FGF12: variants seen among roughly 807,000 people sequenced by gnomAD.
FGF12 encodes the protein fibroblast growth factor 12.
A neutral mutation model predicts 23.6 loss-of-function variants in FGF12; 14 were observed. The observed-to-expected ratio is 0.59, with a 90% confidence interval of 0.39 to 0.93. FGF12 has a LOEUF of 0.93. Among genes scored for constraint, FGF12 ranks in the 40% least tolerant of loss-of-function variants. The pLI is 0.00. For missense variants in FGF12, 175 were observed against 217.8 expected, an observed-to-expected ratio of 0.80 and a Z score of 1.24; for synonymous variants, 62 against 77.3, an observed-to-expected ratio of 0.80 and a Z score of 1.04.
At chr3:192,467,032 C>A (rs1167583225) in intron 2 of FGF12, among the ~76,000 whole-genome samples, 1 of 152,048 alleles carries the variant, frequency 6.6e-6, no homozygotes, top group Non-Finnish European at 1.5e-5. Flanking sequence ...TAGATAATGG[C>A]TCTTCTTATT....
intron 4 of FGF12, among the ~76,000 whole-genome samples, chr3:192,182,927 A>G (rs779006083): frequency 4.6e-5 from 7 of 152,194 alleles, no homozygotes; most frequent in Non-Finnish European, 4.4e-5. Flanking sequence ...GCCTACGGCC[A>G]TGGGGAAGAA....
chr3:192,528,653 G>A (rs1030342538), intron 2 of FGF12, among the ~76,000 whole-genome samples: 13 of 152,166 alleles, frequency 8.5e-5, no homozygotes, highest in African/African-American at 2.4e-4. Context: ...TGAGAGCCCT[G>A]CCCCTGCAGC....
At chr3:192,278,423 A>C (rs1288233790) in intron 4 of FGF12, among the ~76,000 whole-genome samples, 1 of 152,194 alleles carries the variant, frequency 6.6e-6, no homozygotes, top group East Asian at 1.9e-4. Flanking sequence ...TTGTACTGAG[A>C]AGCACAGTAC....
intron 2 of FGF12, among the ~76,000 whole-genome samples, chr3:192,406,124 A>C (rs1465880023): frequency 6.6e-6 from 1 of 152,148 alleles, no homozygotes; most frequent in African/African-American, 2.4e-5. Flanking sequence ...AAACTGCCTC[A>C]AATCTCTGTT....
intron 2 of FGF12, among the ~76,000 whole-genome samples, chr3:192,687,586 C>A (rs944297375): frequency 6.6e-6 from 1 of 152,080 alleles, no homozygotes; most frequent in Non-Finnish European, 1.5e-5. Context: ...GGCCCAGGGG[C>A]CCAGCCATCA....
intron 4 of FGF12, among the ~76,000 whole-genome samples, chr3:192,172,471 T>A (rs1715623661): frequency 6.6e-6 from 1 of 150,454 alleles, no homozygotes; most frequent in Non-Finnish European, 1.5e-5. Context: ...TAAGATAATA[T>A]GAATAGCAAT....
chr3:192,170,322 C>T, intron 5 of FGF12, 136 bp downstream of exon 5: 1 of 641,068 alleles, frequency 1.6e-6, no homozygotes, highest in Non-Finnish European at 2.7e-6. Flanking sequence ...CTATTGTGTT[C>T]TCTGAATATT....
At position 192,268,364 on chromosome 3, in the gene FGF12, A is replaced by T. The variant is rs916750911; in HGVS notation, c.228+66997T>A. On this transcript the variant is annotated intron_variant, in intron 4 of 5. Coordinates refer to ENST00000445105, the MANE Select transcript of FGF12 (RefSeq NM_004113.6). Reference sequence around the variant, plus strand: ...CTCTAGATGTGGGTTTTCAAATGGAATAAGAGGTCATGTGGGATAGAGAGC... The same window carrying T: ...CTCTAGATGTGGGTTTTCAAATGGATTAAGAGGTCATGTGGGATAGAGAGC... Among the ~76,000 whole-genome samples, 31 of 152,210 alleles carry T rather than the reference A, an allele frequency of 2.0e-4. 1 individual carries two copies. Among genetic ancestry groups the T allele is most frequent in the African/African-American group, 7.0e-4 (29 of 41,460 alleles).
intron 2 of FGF12, among the ~76,000 whole-genome samples, chr3:192,437,129 G>A (rs1406325156): frequency 6.6e-6 from 1 of 152,120 alleles, no homozygotes; most frequent in Non-Finnish European, 1.5e-5. Context: ...AGTTAAGTAA[G>A]CACAGGGGAG....
At chr3:192,592,141 C>A (rs2366838) in intron 2 of FGF12, among the ~76,000 whole-genome samples, 39,652 of 151,576 alleles carry the variant, frequency 0.26, 5,980 homozygotes, top group East Asian at 0.52. Flanking sequence ...TAATTGCTCC[C>A]CATTCAACTC....
intron 3 of FGF12, among the ~76,000 whole-genome samples, chr3:192,359,830 C>CA (rs1336468403): frequency 1.3e-5 from 2 of 151,256 alleles, no homozygotes; most frequent in Non-Finnish European, 2.9e-5. Flanking sequence ...TCAGGTCTAT[C>CA]AGTCTTCATT....
At chr3:192,161,274 C>A (rs1714856674) in intron 5 of FGF12, among the ~76,000 whole-genome samples, 1 of 152,086 alleles carries the variant, frequency 6.6e-6, no homozygotes, top group Non-Finnish European at 1.5e-5. Context: ...TGGGGCCTAG[C>A]AATCTATGCT....
chr3:192,314,579 A>C (rs908097884), intron 4 of FGF12, among the ~76,000 whole-genome samples: 7 of 152,188 alleles, frequency 4.6e-5, no homozygotes, highest in African/African-American at 1.7e-4. Flanking sequence ...CGTTGAGTCA[A>C]TCAATGAACC....
At chr3:192,316,248 C>T (rs572735967) in intron 4 of FGF12, among the ~76,000 whole-genome samples, 5 of 152,198 alleles carry the variant, frequency 3.3e-5, no homozygotes, top group African/African-American at 4.8e-5. Context: ...TCTGCTAAAA[C>T]GCAAGAATGA....
intron 5 of FGF12, among the ~76,000 whole-genome samples, chr3:192,148,545 T>A (rs999320673): frequency 6.6e-6 from 1 of 152,212 alleles, no homozygotes; most frequent in Admixed American, 6.5e-5. Context: ...TGCACAACAA[T>A]GTCAATGTAC....
intron 4 of FGF12, among the ~76,000 whole-genome samples, chr3:192,300,727 C>T (rs74704733): frequency 0.035 from 5,291 of 152,126 alleles, 285 homozygotes; most frequent in African/African-American, 0.12. Context: ...TTAAGAATCC[C>T]TGAAGGCTCA....
chr3:192,428,734 C>G (rs1402948441), intron 2 of FGF12, among the ~76,000 whole-genome samples: 1 of 152,140 alleles, frequency 6.6e-6, no homozygotes, highest in Non-Finnish European at 1.5e-5. Flanking sequence ...ATTTTACAAA[C>G]TAACAGAAAG....
chr3:192,651,536 A>G (rs1205806023), intron 2 of FGF12, among the ~76,000 whole-genome samples: 2 of 152,200 alleles, frequency 1.3e-5, no homozygotes, highest in Non-Finnish European at 2.9e-5. Context: ...AAAAAATAAA[A>G]CAAATTAAAA....
chr3:192,687,404 T>C (rs1717786325), intron 2 of FGF12, among the ~76,000 whole-genome samples: 2 of 151,826 alleles, frequency 1.3e-5, no homozygotes, highest in Admixed American at 6.6e-5. Flanking sequence ...TGACCACAAA[T>C]GGGTTAAGGC....
Sources: gnomAD v4.1 joint callset for allele counts (sites outside exome capture counted in the v4.1 genomes callset) on GRCh38, gnomAD v4.1.1 for gene constraint, MANE v1.5 for transcripts, NCBI Gene and HGNC (gene_info 2026-07-23, HGNC 2026-07-21) for gene names.